CFAP54: variants seen among roughly 807,000 people sequenced by gnomAD.
CFAP54 encodes the protein cilia- and flagella-associated protein 54.
Under a neutral mutation model 370.4 loss-of-function variants are expected in CFAP54, and 290 were observed. The ratio of observed to expected loss-of-function variants is 0.78; its 90% CI spans 0.71 to 0.86. The LOEUF (loss-of-function observed/expected upper bound fraction) is 0.86, where lower values mean the gene tolerates loss of function less well. Ranked by LOEUF, CFAP54 falls within the 40% of genes least tolerant of loss-of-function variation. The pLI is 0.00. For synonymous variants in CFAP54, 1,206 were observed against 1,236.5 expected (o/e 0.98, Z 0.52); for missense variants, 3,399 against 3,528.7 (o/e 0.96, Z 0.93).
chr12:96,702,623 C>T (rs1957503914), intron 46 of CFAP54, among the ~76,000 whole-genome samples: 1 of 152,186 alleles, frequency 6.6e-6, no homozygotes. Flanking sequence ...TTTTTATCAA[C>T]TAGTTTTCAT....
In CFAP54 at chr12:96,754,889, G is replaced by A. The variant is rs182320343; in HGVS notation, c.7840+991G>A. On this transcript the variant is annotated intron_variant, in intron 56 of 67. Transcript: ENST00000524981. ...CTACTGAGTAACTGGGACCATAGGC[G>A]TGCACCACCACACTTGGCTAATTTT... Among the ~76,000 whole-genome samples, 13 of 152,124 alleles carry A rather than the reference G, an allele frequency of 8.5e-5. No homozygotes were observed. In the East Asian group the frequency reaches 1.7e-3, roughly 20 times the overall value.
At chr12:96,757,156 G>A (rs564606619) in intron 57 of CFAP54, among the ~76,000 whole-genome samples, 37 of 152,150 alleles carry the variant, frequency 2.4e-4, no homozygotes, top group Non-Finnish European at 4.4e-4. Context: ...CATTTTCAAG[G>A]CAAATTCCTC....
intron 48 of CFAP54, among the ~76,000 whole-genome samples, chr12:96,711,273 T>C (rs1957610729): frequency 6.6e-6 from 1 of 152,110 alleles, no homozygotes; most frequent in African/African-American, 2.4e-5. Flanking sequence ...TCATTTCCAG[T>C]TCTATTAATT....
intron 23 of CFAP54, among the ~76,000 whole-genome samples, chr12:96,590,620 G>T (rs1956114851): frequency 6.6e-6 from 1 of 152,186 alleles, no homozygotes; most frequent in South Asian, 2.1e-4. Context: ...TATGTGCTAT[G>T]GGGGTATGGG....
chr12:96,650,441 G>A (rs1252314697), intron 35 of CFAP54, among the ~76,000 whole-genome samples: 1 of 151,990 alleles, frequency 6.6e-6, no homozygotes, highest in Non-Finnish European at 1.5e-5. Context: ...ATCTCTCTTG[G>A]GGGTACCATA....
intron 66 of CFAP54, among the ~76,000 whole-genome samples, chr12:96,850,864 G>A (rs533703386): frequency 6.6e-6 from 1 of 152,068 alleles, no homozygotes; most frequent in Admixed American, 6.5e-5. Flanking sequence ...GAACTCCCTC[G>A]CTATCAGGAG....
At chr12:96,633,424 T>A (rs1297237918) in intron 32 of CFAP54, among the ~76,000 whole-genome samples, 1 of 152,236 alleles carries the variant, frequency 6.6e-6, no homozygotes, top group Admixed American at 6.5e-5. Flanking sequence ...GACATTGATA[T>A]AATCCACTGA....
intron 23 of CFAP54, among the ~76,000 whole-genome samples, chr12:96,590,149 G>A (rs575138132): frequency 1.6e-4 from 24 of 152,270 alleles, no homozygotes; most frequent in African/African-American, 4.8e-4. Context: ...CAGTTATATC[G>A]TAAAACACAA....
chr12:96,526,557 C>T (rs1955383608), intron 8 of CFAP54, among the ~76,000 whole-genome samples: 1 of 152,124 alleles, frequency 6.6e-6, no homozygotes, highest in Non-Finnish European at 1.5e-5. Context: ...GAAATTTGGT[C>T]TTGAATCTAC....
intron 51 of CFAP54, among the ~76,000 whole-genome samples, chr12:96,742,016 A>T (rs1364964402): frequency 2.0e-5 from 3 of 152,170 alleles, no homozygotes; most frequent in Non-Finnish European, 4.4e-5. Flanking sequence ...GAGATAATAT[A>T]TACAAAGCGT....
At chr12:96,627,594 C>G (rs1423026515) in intron 30 of CFAP54, among the ~76,000 whole-genome samples, 4 of 152,154 alleles carry the variant, frequency 2.6e-5, no homozygotes, top group Non-Finnish European at 4.4e-5. Context: ...AAAAGAGAAG[C>G]ATTCCCTTAA....
intron 66 of CFAP54, among the ~76,000 whole-genome samples, chr12:96,857,774 G>A (rs1269222929): frequency 1.3e-5 from 2 of 152,154 alleles, no homozygotes; most frequent in Admixed American, 1.3e-4. Flanking sequence ...CGCGAAGAGG[G>A]TGCTTGCTTT....
At chr12:96,532,145 T>G (rs1345613872) in intron 9 of CFAP54, among the ~76,000 whole-genome samples, 1 of 152,254 alleles carries the variant, frequency 6.6e-6, no homozygotes, top group African/African-American at 2.4e-5. Flanking sequence ...TCACTTAAAT[T>G]CTTGTTTGTG....
intron 25 of CFAP54, among the ~76,000 whole-genome samples, chr12:96,596,510 C>T (rs1956180421): frequency 6.6e-6 from 1 of 152,070 alleles, no homozygotes; most frequent in Admixed American, 6.6e-5. Flanking sequence ...GGTAAAATGT[C>T]TAGATATTCA....
Position 96,503,966 on chromosome 12 carries a change from T to C in CFAP54, c.504T>C (p.Asp168=). Reference sequence around the variant, plus strand: ...CCAATTTTGATGAGAATAAAGTGGATGTAACTCAATTCAAAGCTACCTTTT... The same window carrying C: ...CCAATTTTGATGAGAATAAAGTGGACGTAACTCAATTCAAAGCTACCTTTT... ...FNTNFDENKV[D]VTQFKATFFP... Residue 168 remains aspartate (D), a synonymous_variant, in exon 3 of 68, where the codon GAT becomes GAC. Transcript: ENST00000524981. The C allele has an allele frequency of 6.5e-7, 1 of 1,526,730 alleles. No homozygotes were observed. The highest frequency in any genetic ancestry group is 2.0e-5 in the Admixed American group (1 of 49,090). The allele number at this position is 1,526,730 out of a possible 1,614,324, so 94.6% of individuals were successfully genotyped here.
intron 55 of CFAP54, among the ~76,000 whole-genome samples, chr12:96,750,661 A>G (rs1025919541): frequency 5.3e-5 from 8 of 152,178 alleles, no homozygotes; most frequent in Admixed American, 6.5e-5. Flanking sequence ...TAAAATACAG[A>G]TTGTGTTAAA....
At chr12:96,493,030 T>TCAGTAATTG (rs1267054799) in intron 1 of CFAP54, among the ~76,000 whole-genome samples, 15 of 151,998 alleles carry the variant, frequency 9.9e-5, no homozygotes, top group Non-Finnish European at 1.6e-4. Context: ...CCTTATATTC[T>TCAGTAATTG]CAGTAATTGT....
chr12:96,576,064 G>C (rs1002878251), intron 19 of CFAP54, among the ~76,000 whole-genome samples: 6 of 151,774 alleles, frequency 4.0e-5, no homozygotes, highest in South Asian at 2.1e-4. Context: ...TTAAAAAGTG[G>C]TTGCCTTTCC....
intron 55 of CFAP54, among the ~76,000 whole-genome samples, chr12:96,753,130 C>A (rs371932021): frequency 6.6e-6 from 1 of 152,056 alleles, no homozygotes; most frequent in African/African-American, 2.4e-5. Flanking sequence ...GAATAAATGT[C>A]TGCCTGTCTG....
Sources: allele counts gnomAD v4.1 joint callset (sites outside exome capture counted in the v4.1 genomes callset), GRCh38; gene constraint gnomAD v4.1.1; transcripts MANE v1.5; gene names NCBI Gene and HGNC (gene_info 2026-07-23, HGNC 2026-07-21).